BAZ2B: variants seen among roughly 807,000 people sequenced by gnomAD.
BAZ2B encodes the protein bromodomain adjacent to zinc finger domain 2B.
A neutral mutation model predicts 246.0 loss-of-function variants in BAZ2B; 91 were observed. That is an observed-to-expected ratio of 0.37 (90% CI 0.31 to 0.44). The LOEUF (loss-of-function observed/expected upper bound fraction) is 0.44. BAZ2B is among the 20% of genes least tolerant of loss of function. BAZ2B has a pLI of 1.00. For synonymous variants in BAZ2B, 855 were observed against 860.0 expected (o/e 0.99, Z 0.10); for missense variants, 2,332 against 2,533.7 (o/e 0.92, Z 1.71).
chr2:159,589,550 T>C (rs979875661), intron 1 of BAZ2B, among the ~76,000 whole-genome samples: 3 of 152,232 alleles, frequency 2.0e-5, no homozygotes, highest in African/African-American at 4.8e-5. Context: ...GTATTTATTA[T>C]TGTTAACAAT....
the BAZ2B span, among the ~76,000 whole-genome samples, chr2:159,700,717 T>G: frequency 6.6e-6 from 1 of 152,220 alleles, no homozygotes; most frequent in African/African-American, 2.4e-5. Context: ...AGTGTTGGGA[T>G]TACAGGCGTG....
intron 26 of BAZ2B, among the ~76,000 whole-genome samples, 165 bp from the exon 27 acceptor site, chr2:159,373,354 T>C (rs746515357): frequency 2.0e-5 from 3 of 152,238 alleles, no homozygotes; most frequent in African/African-American, 4.8e-5. Flanking sequence ...TTCAGTAACA[T>C]TTATAAAGAT....
intron 31 of BAZ2B, among the ~76,000 whole-genome samples, chr2:159,340,203 T>C (rs781536769): frequency 1.0e-3 from 151 of 148,388 alleles, no homozygotes; most frequent in Admixed American, 3.6e-3. Context: ...TGAAGTAACA[T>C]AGGCAGACCA....
chr2:159,653,069 C>A, the BAZ2B span, among the ~76,000 whole-genome samples: 1 of 152,028 alleles, frequency 6.6e-6, no homozygotes, highest in African/African-American at 2.4e-5. Context: ...TCCCAAGTAA[C>A]TGGGATTACA....
intron 33 of BAZ2B, among the ~76,000 whole-genome samples, chr2:159,335,010 C>T (rs2065385906): frequency 6.6e-6 from 1 of 151,982 alleles, no homozygotes; most frequent in Non-Finnish European, 1.5e-5. Context: ...AACTCTTGGG[C>T]TCAAATGATC....
At chr2:159,390,594 T>C (rs1012827095) in intron 20 of BAZ2B, among the ~76,000 whole-genome samples, 5 of 152,110 alleles carry the variant, frequency 3.3e-5, no homozygotes, top group Non-Finnish European at 7.4e-5. Flanking sequence ...GCAAGCACCC[T>C]GACTGCTGCT....
intron 1 of BAZ2B, among the ~76,000 whole-genome samples, chr2:159,603,921 C>T (rs887534336): frequency 6.6e-6 from 1 of 152,188 alleles, no homozygotes; most frequent in African/African-American, 2.4e-5. Context: ...TGAACACCTT[C>T]ATTTCAGTAA....
At chr2:159,510,642 T>C (rs576161551) in intron 2 of BAZ2B, among the ~76,000 whole-genome samples, 1 of 152,182 alleles carries the variant, frequency 6.6e-6, no homozygotes, top group African/African-American at 2.4e-5. Context: ...TACTGCAATG[T>C]AAAAAAAATG....
the BAZ2B span, among the ~76,000 whole-genome samples, chr2:159,635,780 T>C: frequency 1.2e-4 from 18 of 152,306 alleles, no homozygotes; most frequent in Admixed American, 3.9e-4. Context: ...CATGCAAATA[T>C]CTAAAGCATT....
intron 1 of BAZ2B, among the ~76,000 whole-genome samples, chr2:159,591,541 AT>A (rs972124197): frequency 6.6e-6 from 1 of 152,240 alleles, no homozygotes; most frequent in African/African-American, 2.4e-5. Context: ...TTTTAAGAAA[AT>A]AATCTAAAAT....
chr2:159,704,946 C>T, the BAZ2B span, among the ~76,000 whole-genome samples: 1 of 151,918 alleles, frequency 6.6e-6, no homozygotes, highest in African/African-American at 2.4e-5. Context: ...TCGTGATCCG[C>T]CCAGTTCGGC....
At chr2:159,496,720 T>C (rs1278006783) in intron 2 of BAZ2B, among the ~76,000 whole-genome samples, 3 of 141,404 alleles carry the variant, frequency 2.1e-5, no homozygotes, top group Admixed American at 7.6e-5. Context: ...GAGGTGGATG[T>C]TGCGGTGAGC....
chr2:159,512,823 C>T (rs546866296), intron 2 of BAZ2B, among the ~76,000 whole-genome samples: 2 of 152,220 alleles, frequency 1.3e-5, no homozygotes, highest in South Asian at 4.1e-4. Flanking sequence ...AGAACAACAA[C>T]AAATGGTTTG....
At chr2:159,416,320 T>C (rs999307397) in intron 13 of BAZ2B, among the ~76,000 whole-genome samples, 1 of 152,190 alleles carries the variant, frequency 6.6e-6, no homozygotes, top group Non-Finnish European at 1.5e-5. Context: ...TTGTACAAAG[T>C]GTACTTTTAG....
At chr2:159,467,265 T>C (rs546928832) in intron 3 of BAZ2B, among the ~76,000 whole-genome samples, 1 of 152,172 alleles carries the variant, frequency 6.6e-6, no homozygotes, top group Non-Finnish European at 1.5e-5. Flanking sequence ...AATATCCAGC[T>C]CGATATGGCT....
intron 36 of BAZ2B, among the ~76,000 whole-genome samples, chr2:159,322,934 TC>T (rs1184785427): frequency 1.3e-5 from 2 of 151,592 alleles, no homozygotes; most frequent in Admixed American, 1.3e-4. Context: ...CTCTTTCTCT[TC>T]CCCTGTGACT....
At chr2:159,399,655 T>C (rs1243818104) in intron 17 of BAZ2B, among the ~76,000 whole-genome samples, 3 of 152,184 alleles carry the variant, frequency 2.0e-5, no homozygotes, top group African/African-American at 7.2e-5. Context: ...CAATTTCCGG[T>C]TTTTAAAATT....
Position 159,433,319 on chromosome 2 carries a change from C to T in BAZ2B, c.1338G>A (p.Glu446=). 6.2e-7 allele frequency: 1 copy of T among 1,613,922 alleles called. No homozygotes were observed. Among genetic ancestry groups the T allele is most frequent in the African/African-American group, 1.3e-5 (1 of 75,016 alleles). ...TAACCTTCTTCAGGCTCTTCGATGA[C>T]TCTTGTTTCTTTAACTGTGATGGGA... ...QAFPSQLKKQ[E]SSKSLKKVIA... is the part of the protein sequence containing the mutation. The change falls in exon 9 of 37, where the codon GAG becomes GAA. Residue 446 remains glutamate (E), a synonymous_variant. Transcript: ENST00000392783.
intron 31 of BAZ2B, among the ~76,000 whole-genome samples, chr2:159,340,705 C>T (rs945872874): frequency 6.6e-6 from 1 of 151,456 alleles, no homozygotes; most frequent in African/African-American, 2.4e-5. Flanking sequence ...CTTTTACAGA[C>T]TGAGGGAAAC....
Sources: gnomAD v4.1 joint callset for allele counts (sites outside exome capture counted in the v4.1 genomes callset) on GRCh38, gnomAD v4.1.1 for gene constraint, MANE v1.5 for transcripts, NCBI Gene and HGNC (gene_info 2026-07-23, HGNC 2026-07-21) for gene names.